Variants in DNAH2 observed in about 807,000 individuals in gnomAD.
DNAH2 encodes dynein axonemal heavy chain 2.
A neutral mutation model predicts 523.5 loss-of-function variants in DNAH2; 323 were observed. The ratio of observed to expected loss-of-function variants is 0.62; its 90% CI spans 0.56 to 0.68. The LOEUF (loss-of-function observed/expected upper bound fraction) is 0.68, where lower values mean the gene tolerates loss of function less well. DNAH2 is among the 30% of genes least tolerant of loss of function. The pLI, the probability that DNAH2 is intolerant of heterozygous loss-of-function variation, is 0.00. For synonymous variants in DNAH2, 2,093 were observed against 2,177.4 expected (o/e 0.96, Z 1.08); for missense variants, 4,907 against 5,701.5 (o/e 0.86, Z 4.49).
chr17:7,779,525 A>G, intron 36 of DNAH2, 102 bp downstream of exon 36: 3 of 1,276,778 alleles, frequency 2.3e-6, no homozygotes, highest in Non-Finnish European at 3.2e-6. Context: ...GCGAATGTAT[A>G]TAGCTAAGTG....
chr17:7,763,809 C>G, intron 18 of DNAH2, 22 bp from the exon 19 acceptor site: 5 of 1,613,528 alleles, frequency 3.1e-6, no homozygotes, highest in Non-Finnish European at 4.2e-6. Context: ...AACATCCTAG[C>G]TGGGATCTGG....
Position 7,770,629 on chromosome 17 carries a change from C to G in DNAH2, c.4171C>G (p.His1391Asp), listed in dbSNP as rs749274862. 1 of 1,614,188 alleles carries G rather than the reference C, an allele frequency of 6.2e-7. No individual in the cohort carries two copies. The highest frequency in any genetic ancestry group is 8.5e-7 in the Non-Finnish European group (1 of 1,180,008). The stretch of plus-strand genomic sequence containing the variant: ...AGTACCCTACAAGGATAAGGGCCAT[C>G]ATCGGCTCAGGTCAGGGGAGCTGGG... ...DIVPYKDKGH[H>D]RLRGTEEVFQ... Residue 1391 changes from histidine to aspartate, a missense_variant, in exon 26 of 86, where the codon CAT becomes GAT. His to Asp is a moderately conservative substitution (Grantham distance 81). This residue lies in a region of DNAH2 where 2,806 missense variants were observed against 3,190.8 expected (regional missense o/e 0.88). Transcript: ENST00000572933.
rs2077844948 is a variant in DNAH2, at chr17:7,821,248, C to A, written c.11021C>A (p.Thr3674Asn). Residue 3674 changes from threonine (T) to asparagine (N), a missense_variant, in exon 73 of 86, where the codon ACC becomes AAC. Physicochemically the swap from Thr to Asn is moderately conservative, Grantham distance 65. Transcript: ENST00000572933. This position sits in a 1 kb window ranked among gnomAD's most constrained non-coding sequence, Gnocchi z 5.0. ...DYHTYAVYRY[T>N]CRTLFERHKL... ...TCCCTGTCCCTTTCTCCCAGGTACACCTGCCGTACCCTTTTCGAACGCCAC... is the reference window on the plus strand; with the variant it reads ...TCCCTGTCCCTTTCTCCCAGGTACAACTGCCGTACCCTTTTCGAACGCCAC... 3.1e-6 allele frequency: 5 copies of A among 1,613,118 alleles called. No individual in the cohort carries two copies. Among genetic ancestry groups the A allele is most frequent in the Non-Finnish European group, 4.2e-6 (5 of 1,179,386 alleles).
chr17:7,779,147 G>GC, intron 35 of DNAH2, 96 bp from the exon 36 acceptor site: 6 of 1,445,012 alleles, frequency 4.2e-6, no homozygotes, highest in Non-Finnish European at 5.7e-6. Flanking sequence ...AGGCCGCCTC[G>GC]CCTATTGAAA....
chr17:7,783,419 T>C (rs1215646922), intron 39 of DNAH2, among the ~76,000 whole-genome samples: 4 of 152,074 alleles, frequency 2.6e-5, no homozygotes, highest in African/African-American at 9.7e-5. Flanking sequence ...GATGTGAAAA[T>C]TGTTTGAAAG....
intron 56 of DNAH2, among the ~76,000 whole-genome samples, chr17:7,800,859 T>C (rs2077203353): frequency 7.1e-6 from 1 of 141,692 alleles, no homozygotes; most frequent in Non-Finnish European, 1.5e-5. Flanking sequence ...AGTGAAAGAC[T>C]CCGTCTCAAA....
intron 48 of DNAH2, among the ~76,000 whole-genome samples, chr17:7,793,407 C>T (rs2076953618): frequency 6.6e-6 from 1 of 152,072 alleles, no homozygotes; most frequent in Admixed American, 6.5e-5. Context: ...TCGTGGGATT[C>T]TGAGCATATT....
intron 28 of DNAH2, among the ~76,000 whole-genome samples, chr17:7,774,517 T>C (rs936608822): frequency 3.3e-5 from 5 of 152,174 alleles, no homozygotes; most frequent in African/African-American, 1.2e-4. Context: ...AAATCATATA[T>C]GATGTATCAA....
chr17:7,825,485 G>A (rs951237493), intron 77 of DNAH2, among the ~76,000 whole-genome samples: 12 of 152,156 alleles, frequency 7.9e-5, no homozygotes, highest in Non-Finnish European at 1.6e-4. Context: ...TGTCACAGTC[G>A]ACTGTCCCTT....
At position 7,779,335 on chromosome 17, in the gene DNAH2, C is replaced by T. The variant is rs765425297; in HGVS notation, c.5634C>T (p.Ala1878=). 13 of 1,614,032 alleles carry T rather than the reference C, an allele frequency of 8.1e-6. No homozygotes were observed. The highest frequency in any genetic ancestry group is 8.5e-7 in the Non-Finnish European group (1 of 1,180,054). Reference sequence around the variant, plus strand: ...ACCAGATCCTGTGCATCCTGTCTGCCCTGGCTGCCGGCCTCACCCATTTCC... The same window carrying T: ...ACCAGATCCTGTGCATCCTGTCTGCTCTGGCTGCCGGCCTCACCCATTTCC... ...VAHQILCILS[A]LAAGLTHFHF... Residue 1878 remains alanine (A), a synonymous_variant, in exon 36 of 86, where the codon GCC becomes GCT. Transcript: ENST00000572933.
chr17:7,737,731 G>C (rs1402208296), intron 8 of DNAH2, among the ~76,000 whole-genome samples: 6 of 152,190 alleles, frequency 3.9e-5, no homozygotes, highest in Non-Finnish European at 5.9e-5. Context: ...TTGCTGGGCA[G>C]GGTGGCTGCA....
intron 29 of DNAH2, 44 bp from the exon 30 acceptor site, chr17:7,775,197 A>G: frequency 6.3e-7 from 1 of 1,589,276 alleles, no homozygotes; most frequent in Non-Finnish European, 8.6e-7. Flanking sequence ...GGCGGACACC[A>G]AGGGTGGGCA....
chr17:7,778,650 C>A (rs2076523446), intron 35 of DNAH2, among the ~76,000 whole-genome samples, 181 bp downstream of exon 35: 1 of 152,120 alleles, frequency 6.6e-6, no homozygotes. Flanking sequence ...TTCACTGCAA[C>A]CTTTGCCTGC....
Position 7,758,019 on chromosome 17 carries a change from C to T in DNAH2, c.2052-476C>T, listed in dbSNP as rs143844735. ...TTTGGTGGGGACACACACATTCAGACGATAGCAGGAAATTTCTCAGCCCAG... is the reference window on the plus strand; with the variant it reads ...TTTGGTGGGGACACACACATTCAGATGATAGCAGGAAATTTCTCAGCCCAG... On this transcript the variant is annotated intron_variant, in intron 13 of 85. Coordinates refer to ENST00000572933, the MANE Select transcript of DNAH2 (RefSeq NM_020877.5). Among the ~76,000 whole-genome samples, 478 of 152,272 alleles carry T rather than the reference C, an allele frequency of 3.1e-3. 3 individuals are homozygous for T. The highest frequency in any genetic ancestry group is 0.011 in the African/African-American group (464 of 41,546).
At position 7,824,520 on chromosome 17, in the gene DNAH2, C is replaced by T. The variant is rs369667924; in HGVS notation, c.11663-17C>T. The T allele has an allele frequency of 8.5e-6, 13 of 1,526,820 alleles. No individual in the cohort carries two copies. The highest frequency in any genetic ancestry group is 1.4e-5 in the African/African-American group (1 of 72,500). 94.6% of individuals were successfully genotyped at this position (1,526,820 alleles called of 1,614,324 possible). On this transcript the variant is annotated splice_polypyrimidine_tract_variant and intron_variant, in intron 76 of 85. Coordinates refer to ENST00000572933, the MANE Select transcript of DNAH2 (RefSeq NM_020877.5). ...GCTTAGGAAATGATTCCCACTGACC[C>T]TGGCATCTCCTTGCAGGACACTGGG...
intron 8 of DNAH2, among the ~76,000 whole-genome samples, chr17:7,739,298 T>A (rs1169036542): frequency 6.6e-6 from 1 of 152,024 alleles, no homozygotes; most frequent in East Asian, 1.9e-4. Flanking sequence ...CCTAGCTGCT[T>A]GGGAGGCTGA....
rs8066431 is a variant in DNAH2 at position 7,803,662 on chromosome 17, T to A, written c.8973-594T>A. Among the ~76,000 whole-genome samples, 572 of 150,142 alleles carry A rather than the reference T, an allele frequency of 3.8e-3. 4 individuals are homozygous for A. Among genetic ancestry groups the A allele is most frequent in the African/African-American group, 0.014 (557 of 40,708 alleles). ...TCCAGCCTGGGTGACAGATCGAGAC[T>A]CCGTCTCAAAAAAAAAAATCAGAAA... On this transcript the variant is annotated intron_variant, in intron 58 of 85. Transcript: ENST00000572933.
intron 24 of DNAH2, among the ~76,000 whole-genome samples, chr17:7,769,484 A>G (rs2076259459): frequency 6.6e-6 from 1 of 152,212 alleles, no homozygotes; most frequent in Admixed American, 6.5e-5. Context: ...TTTGTTATAC[A>G]AAAGATTTTA....
At chr17:7,824,514 C>T (rs1186699872) in intron 76 of DNAH2, 23 bp from the exon 77 acceptor site, 2 of 1,518,100 alleles carry the variant, frequency 1.3e-6, no homozygotes, top group Non-Finnish European at 8.9e-7. Flanking sequence ...ATGATTCCCA[C>T]TGACCCTGGC....
Sources: allele counts gnomAD v4.1 joint callset (sites outside exome capture counted in the v4.1 genomes callset), GRCh38; gene constraint gnomAD v4.1.1; regional missense constraint gnomAD v4.1.1; non-coding constraint Gnocchi (gnomAD v3.1); transcripts MANE v1.5; gene names NCBI Gene and HGNC (gene_info 2026-07-23, HGNC 2026-07-21).